The following MAP7 variants were observed in gnomAD, a reference collection of about 807,000 sequenced individuals.
MAP7 encodes the protein ensconsin.
MAP7 carries 52 observed loss-of-function variants against 94.8 expected under a neutral mutation model. That is an observed-to-expected ratio of 0.55 (90% CI 0.44 to 0.69). MAP7 has a LOEUF of 0.69. Among genes scored for constraint, MAP7 ranks in the 30% least tolerant of loss-of-function variants. The pLI is 0.00. For missense variants in MAP7, 940 were observed against 964.6 expected (o/e 0.97, Z 0.34); for synonymous variants, 350 against 357.0 (o/e 0.98, Z 0.22).
intron 1 of MAP7, among the ~76,000 whole-genome samples, chr6:136,477,605 T>C (rs1405291797): frequency 6.6e-6 from 1 of 152,170 alleles, no homozygotes; most frequent in African/African-American, 2.4e-5. Flanking sequence ...ATTCATTAAT[T>C]GCAGATATAA....
chr6:136,482,762 A>C (rs1248505272), intron 1 of MAP7, among the ~76,000 whole-genome samples: 1 of 152,198 alleles, frequency 6.6e-6, no homozygotes, highest in Non-Finnish European at 1.5e-5. Flanking sequence ...GGTTGGATAC[A>C]CAGGTCTGGA....
chr6:136,398,674 G>A (rs114688095), intron 3 of MAP7, among the ~76,000 whole-genome samples: 1 of 152,182 alleles, frequency 6.6e-6, no homozygotes, highest in African/African-American at 2.4e-5. Context: ...CACCATGTAG[G>A]AATTGCCCTT....
intron 3 of MAP7, among the ~76,000 whole-genome samples, chr6:136,403,776 A>G (rs1285181851): frequency 6.6e-6 from 1 of 152,212 alleles, no homozygotes; most frequent in Non-Finnish European, 1.5e-5. Context: ...CTGCTTACCT[A>G]ATCCATGCAG....
chr6:136,504,588 C>T (rs1386342479), intron 1 of MAP7, among the ~76,000 whole-genome samples: 4 of 152,122 alleles, frequency 2.6e-5, no homozygotes, highest in Non-Finnish European at 2.9e-5. Flanking sequence ...AAGCTATCCA[C>T]CCGCCTTGGC....
Position 136,386,472 on chromosome 6 carries a change from C to T in MAP7, c.526+1921G>A, listed in dbSNP as rs1310778601. On this transcript the variant is annotated intron_variant, in intron 5 of 17. Coordinates refer to ENST00000354570, the MANE Select transcript of MAP7 (RefSeq NM_003980.6). Reference sequence around the variant, plus strand: ...ATATATTAAGCTTTGAGTGTGGAGGCAAAAAATTAAGCTAGGCAGCTTACC... The same window carrying T: ...ATATATTAAGCTTTGAGTGTGGAGGTAAAAAATTAAGCTAGGCAGCTTACC... Among the ~76,000 whole-genome samples the T allele has an allele frequency of 3.9e-5, 6 of 152,128 alleles. No individual in the cohort carries two copies. The East Asian group carries it at 7.7e-4, about 20-fold the overall frequency.
intron 1 of MAP7, among the ~76,000 whole-genome samples, chr6:136,459,565 T>C (rs1425384501): frequency 1.3e-5 from 2 of 152,154 alleles, no homozygotes; most frequent in Non-Finnish European, 2.9e-5. Flanking sequence ...GAGAATATTA[T>C]TCAGCCTTTT....
chr6:136,462,046 T>C (rs1417823891), intron 1 of MAP7, among the ~76,000 whole-genome samples: 2 of 151,972 alleles, frequency 1.3e-5, no homozygotes, highest in Non-Finnish European at 2.9e-5. Context: ...CAAGATGGTA[T>C]ATCAAGCCAG....
At chr6:136,539,175 T>A (rs1465808078) in intron 1 of MAP7, among the ~76,000 whole-genome samples, 2 of 152,228 alleles carry the variant, frequency 1.3e-5, no homozygotes, top group Admixed American at 6.5e-5. Flanking sequence ...TTGGTGCCTA[T>A]GCTGTGTCAA....
At chr6:136,528,935 T>C (rs1357135793) in intron 1 of MAP7, among the ~76,000 whole-genome samples, 1 of 152,210 alleles carries the variant, frequency 6.6e-6, no homozygotes, top group East Asian at 1.9e-4. Flanking sequence ...ACCCAATCTT[T>C]AATGGATATA....
chr6:136,350,733 C>T (rs1042596069), intron 16 of MAP7, among the ~76,000 whole-genome samples: 4 of 152,062 alleles, frequency 2.6e-5, no homozygotes, highest in African/African-American at 7.2e-5. Context: ...GTGGCTCGCA[C>T]CTGTAGTCCC....
intron 17 of MAP7, among the ~76,000 whole-genome samples, chr6:136,345,267 C>T (rs1164872023): frequency 6.6e-6 from 1 of 152,180 alleles, no homozygotes; most frequent in East Asian, 1.9e-4. Context: ...GTTTCAACAG[C>T]AACAAAATCA....
At chr6:136,491,476 T>C (rs182844964) in intron 1 of MAP7, among the ~76,000 whole-genome samples, 161 of 152,278 alleles carry the variant, frequency 1.1e-3, no homozygotes, top group African/African-American at 3.8e-3. Flanking sequence ...TTCAATGGCA[T>C]CACCCGGTTT....
intron 1 of MAP7, among the ~76,000 whole-genome samples, chr6:136,485,945 G>A (rs888731090): frequency 1.3e-5 from 2 of 151,942 alleles, no homozygotes; most frequent in African/African-American, 4.8e-5. Context: ...CCATTAGTAG[G>A]CTCCACAAGT....
At chr6:136,476,384 T>C (rs1484969140) in intron 1 of MAP7, among the ~76,000 whole-genome samples, 1 of 152,216 alleles carries the variant, frequency 6.6e-6, no homozygotes, top group Admixed American at 6.5e-5. Flanking sequence ...ACAGTTTAGA[T>C]AATTTCTAAA....
At chr6:136,436,873 T>C (rs1796511933) in intron 1 of MAP7, among the ~76,000 whole-genome samples, 1 of 152,192 alleles carries the variant, frequency 6.6e-6, no homozygotes, top group Non-Finnish European at 1.5e-5. Flanking sequence ...AAGATTTTGA[T>C]CATAAGAAAA....
chr6:136,481,031 T>C (rs892461663), intron 1 of MAP7, among the ~76,000 whole-genome samples: 9 of 152,220 alleles, frequency 5.9e-5, no homozygotes, highest in South Asian at 2.1e-4. Flanking sequence ...CTCACCATCA[T>C]TGATTATCAG....
intron 1 of MAP7, among the ~76,000 whole-genome samples, chr6:136,487,946 C>T (rs1229925133): frequency 2.0e-5 from 3 of 152,140 alleles, no homozygotes; most frequent in Non-Finnish European, 4.4e-5. Flanking sequence ...CATACTTATT[C>T]TGGGAAAAGG....
intron 1 of MAP7, among the ~76,000 whole-genome samples, chr6:136,488,884 C>T (rs1397850014): frequency 6.6e-6 from 1 of 152,152 alleles, no homozygotes; most frequent in African/African-American, 2.4e-5. Flanking sequence ...CTTACCCTCA[C>T]CATCCCTCTT....
At chr6:136,354,072 T>C (rs960643406) in intron 16 of MAP7, among the ~76,000 whole-genome samples, 3 of 148,228 alleles carry the variant, frequency 2.0e-5, no homozygotes, top group African/African-American at 4.9e-5. Flanking sequence ...AAATTTATAT[T>C]TGTAAAAATA....
Sources: allele counts gnomAD v4.1 joint callset (sites outside exome capture counted in the v4.1 genomes callset), GRCh38; gene constraint gnomAD v4.1.1; transcripts MANE v1.5; gene names NCBI Gene and HGNC (gene_info 2026-07-23, HGNC 2026-07-21).